The following PTPRB variants were observed in gnomAD, a reference collection of about 807,000 sequenced individuals.
The protein encoded by PTPRB is receptor-type tyrosine-protein phosphatase beta.
A neutral mutation model predicts 238.1 loss-of-function variants in PTPRB; 97 were observed. The observed-to-expected ratio is 0.41, with a 90% CI of 0.35 to 0.48. The LOEUF (loss-of-function observed/expected upper bound fraction) is 0.48, where lower values mean the gene tolerates loss of function less well. Among genes scored for constraint, PTPRB ranks in the 20% least tolerant of loss-of-function variants. The pLI is 0.30. For missense variants in PTPRB, 2,292 were observed against 2,681.9 expected, an observed-to-expected ratio of 0.85 and a Z score of 3.21; for synonymous variants, 970 against 995.4, an observed-to-expected ratio of 0.97 and a Z score of 0.48.
At chr12:70,603,995 T>C (rs1566002915) in intron 4 of PTPRB, among the ~76,000 whole-genome samples, 1 of 152,194 alleles carries the variant, frequency 6.6e-6, no homozygotes, top group African/African-American at 2.4e-5. Flanking sequence ...TGGTAGTCTT[T>C]TATATGCTAT....
intron 3 of PTPRB, among the ~76,000 whole-genome samples, chr12:70,619,420 C>T (rs1225893173): frequency 2.6e-5 from 4 of 152,120 alleles, no homozygotes. Flanking sequence ...CTTTGCAGCT[C>T]TTCCCATCAA....
intron 2 of PTPRB, among the ~76,000 whole-genome samples, chr12:70,632,592 G>A (rs1247811562): frequency 2.6e-5 from 4 of 151,176 alleles, no homozygotes; most frequent in Non-Finnish European, 5.9e-5. Flanking sequence ...AAAAAAAAAG[G>A]AATGAGTGCT....
intron 8 of PTPRB, among the ~76,000 whole-genome samples, chr12:70,589,633 G>A (rs17226430): frequency 0.11 from 16,221 of 146,502 alleles, 991 homozygotes; most frequent in Non-Finnish European, 0.14. Context: ...ATGAGGTCAA[G>A]GCAATGGTTC....
chr12:70,632,583 A>T (rs1030341384), intron 2 of PTPRB, among the ~76,000 whole-genome samples: 1 of 152,138 alleles, frequency 6.6e-6, no homozygotes, highest in African/African-American at 2.4e-5. Flanking sequence ...ATAATTAAAA[A>T]AAAAAAAGGA....
chr12:70,620,294 A>G (rs1884870018), intron 3 of PTPRB, among the ~76,000 whole-genome samples: 1 of 152,156 alleles, frequency 6.6e-6, no homozygotes, highest in Non-Finnish European at 1.5e-5. Context: ...GGGTTGGCCC[A>G]CTGGGTATTG....
chr12:70,592,614 A>T, intron 6 of PTPRB, 69 bp from the exon 7 acceptor site: 1 of 1,503,960 alleles, frequency 6.6e-7, no homozygotes, highest in South Asian at 1.3e-5. Context: ...CCAAATTTTG[A>T]CCTGTAATTT....
chr12:70,546,467 G>T (rs373084479), intron 21 of PTPRB, among the ~76,000 whole-genome samples: 4 of 152,166 alleles, frequency 2.6e-5, no homozygotes, highest in South Asian at 4.1e-4. Flanking sequence ...AGTCTGGAGA[G>T]CTGCACTCAA....
rs1395173818 is a variant in PTPRB, at chr12:70,539,666, G to A, written c.5737C>T (p.Leu1913=). The change falls in exon 26 of 34, where the codon CTA becomes TTA. Residue 1913 remains leucine, a synonymous_variant. Transcript: ENST00000334414. ...AGAAGGTAGTTGGAGTCAGCCTGTA[G>A]CTTCATGAAATGCCCTTCAAACTGA... ...INQFEGHFMK[L]QADSNYLLSK... 6.3e-7 allele frequency: 1 copy of A among 1,587,996 alleles called. No homozygotes were observed. The highest frequency in any genetic ancestry group is 1.8e-5 in the Admixed American group (1 of 55,996).
intron 16 of PTPRB, 27 bp downstream of exon 16, chr12:70,562,817 T>G: frequency 6.2e-7 from 1 of 1,606,722 alleles, no homozygotes; most frequent in Non-Finnish European, 8.5e-7. Context: ...CCCCCACGAT[T>G]CATTACTGCT....
intron 4 of PTPRB, among the ~76,000 whole-genome samples, chr12:70,603,866 C>G (rs1266009934): frequency 6.6e-6 from 1 of 152,176 alleles, no homozygotes; most frequent in East Asian, 1.9e-4. Context: ...AACTCTTAGT[C>G]TCTATGCAAA....
intron 10 of PTPRB, among the ~76,000 whole-genome samples, chr12:70,580,305 CAACTCCACCTCT>C (rs1881238339): frequency 6.6e-6 from 1 of 152,160 alleles, no homozygotes; most frequent in Non-Finnish European, 1.5e-5. Flanking sequence ...AAAATTAGAT[CAACTCCACCTCT>C]AACCATATTA....
intron 32 of PTPRB, among the ~76,000 whole-genome samples, chr12:70,529,406 T>C (rs1479651621): frequency 6.6e-6 from 1 of 152,146 alleles, no homozygotes; most frequent in African/African-American, 2.4e-5. Context: ...TGAGACTATT[T>C]ACAATACGAT....
intron 20 of PTPRB, among the ~76,000 whole-genome samples, chr12:70,554,796 G>C (rs1489450367): frequency 6.6e-6 from 1 of 152,112 alleles, no homozygotes; most frequent in East Asian, 1.9e-4. Context: ...AAAGAGTAGT[G>C]AACAAGACTG....
rs1445703128 is a variant in PTPRB at position 70,556,281 on chromosome 12, C to T, written c.4715-133G>A. 12 of 826,096 alleles carry T rather than the reference C, an allele frequency of 1.5e-5. No individual in the cohort carries two copies. The East Asian group carries it at 2.4e-4, about 17-fold the overall frequency. 51.2% of individuals were successfully genotyped at this position (826,096 alleles called of 1,614,324 possible). A position where few individuals can be genotyped will look rare whatever the true frequency, so the allele number is the denominator to read the frequency against. Reference sequence around the variant, plus strand: ...CAGGCAAATACAGAGTGTCGTGGCTCACCCTAGCAGAGACACATGAGCATA... The same window carrying T: ...CAGGCAAATACAGAGTGTCGTGGCTTACCCTAGCAGAGACACATGAGCATA... On this transcript the variant is annotated intron_variant, in intron 18 of 33. Coordinates refer to ENST00000334414, the MANE Select transcript of PTPRB (RefSeq NM_001109754.4).
chr12:70,601,928 C>G (rs1883536969), intron 4 of PTPRB, among the ~76,000 whole-genome samples: 2 of 150,518 alleles, frequency 1.3e-5, no homozygotes, highest in African/African-American at 4.9e-5. Flanking sequence ...GTAGCTGGGA[C>G]TACAGGCGCC....
chr12:70,555,068 G>A, intron 20 of PTPRB, 92 bp downstream of exon 20: 1 of 1,429,630 alleles, frequency 7.0e-7, no homozygotes, highest in Non-Finnish European at 9.5e-7. Context: ...TTCTACTTAA[G>A]TTTCTTAAAC....
chr12:70,604,409 T>C (rs1163911755), intron 4 of PTPRB, among the ~76,000 whole-genome samples: 1 of 152,190 alleles, frequency 6.6e-6, no homozygotes, highest in African/African-American at 2.4e-5. Flanking sequence ...AGAAAAATTA[T>C]GTCAATAGTT....
At chr12:70,636,547 A>G (rs1197500543) in intron 1 of PTPRB, among the ~76,000 whole-genome samples, 1 of 152,206 alleles carries the variant, frequency 6.6e-6, no homozygotes, top group African/African-American at 2.4e-5. Flanking sequence ...TTATATACAA[A>G]TTTCATAGTT....
At chr12:70,572,731 G>A (rs1204436532) in intron 11 of PTPRB, among the ~76,000 whole-genome samples, 10 of 144,726 alleles carry the variant, frequency 6.9e-5, no homozygotes, top group Non-Finnish European at 1.3e-4. Flanking sequence ...ATCACATCAT[G>A]CCCCTGCACT....
Sources: gnomAD v4.1 joint callset for allele counts (sites outside exome capture counted in the v4.1 genomes callset) on GRCh38, gnomAD v4.1.1 for gene constraint, MANE v1.5 for transcripts, NCBI Gene and HGNC (gene_info 2026-07-23, HGNC 2026-07-21) for gene names.